SLC22A14: variants seen among roughly 807,000 people sequenced by gnomAD.
SLC22A14 encodes the protein solute carrier family 22 member 14.
In SLC22A14, 50 loss-of-function variants were observed where a neutral mutation model predicts 53.9. The ratio of observed to expected loss-of-function variants is 0.93; its 90% confidence interval spans 0.74 to 1.17. The LOEUF is 1.17. Ranked by LOEUF, SLC22A14 falls within the 50% of genes most tolerant of loss-of-function variation. The probability of loss-of-function intolerance (pLI) is 0.00; values close to 1 mark genes in which losing one functional copy is unlikely to be tolerated. For missense variants in SLC22A14, 671 were observed against 734.7 expected, an observed-to-expected ratio of 0.91 and a Z score of 1.00; for synonymous variants, 312 against 303.0, an observed-to-expected ratio of 1.03 and a Z score of -0.31.
intron 1 of SLC22A14, among the ~76,000 whole-genome samples, chr3:38,304,388 C>T (rs1704245980): frequency 6.6e-6 from 1 of 151,832 alleles, no homozygotes; most frequent in Non-Finnish European, 1.5e-5. Flanking sequence ...TGTTGCTTAA[C>T]TTTCATCTTC....
At chr3:38,316,797 G>T (rs1329849764) in intron 10 of SLC22A14, among the ~76,000 whole-genome samples, 1 of 152,150 alleles carries the variant, frequency 6.6e-6, no homozygotes, top group Non-Finnish European at 1.5e-5. Flanking sequence ...TGTCTGGATG[G>T]GTGCATTGCC....
At chr3:38,305,694 C>A in intron 1 of SLC22A14, 1 of 261,772 alleles carries the variant, frequency 3.8e-6, no homozygotes, top group Non-Finnish European at 7.2e-6. Flanking sequence ...TGCAAGACCA[C>A]TGGTGTCTCA....
At chr3:38,308,594 C>T (rs1330494577) in intron 4 of SLC22A14, among the ~76,000 whole-genome samples, 2 of 152,238 alleles carry the variant, frequency 1.3e-5, no homozygotes, top group Admixed American at 1.3e-4. Context: ...CGAATACACT[C>T]AGAGCAAAAA....
At chr3:38,315,831 A>C (rs1169946444) in intron 9 of SLC22A14, 120 bp downstream of exon 9, 8 of 1,050,852 alleles carry the variant, frequency 7.6e-6, no homozygotes, top group Non-Finnish European at 9.8e-6. Context: ...TAAACAGTTT[A>C]CATAAGTGAT....
chr3:38,307,134 C>A lies in SLC22A14; in HGVS notation c.517-120C>A. ...CAGAGGCAACAGCTGAGGCACGCTG[C>A]ACACTGTTAACTGCCCCTACCCCAG... On this transcript the variant is annotated intron_variant, in intron 2 of 10. Transcript: ENST00000448498. This position sits in a 1 kb window ranked among gnomAD's most constrained non-coding sequence, Gnocchi z 4.4. 1 of 746,888 alleles carries A rather than the reference C, an allele frequency of 1.3e-6. No individual in the cohort carries two copies. Among genetic ancestry groups the A allele is most frequent in the Non-Finnish European group, 2.5e-6 (1 of 405,784 alleles). 46.3% of individuals were successfully genotyped at this position (746,888 alleles called of 1,614,324 possible).
At position 38,318,338 on chromosome 3, in the gene SLC22A14, A is replaced by G. The variant is rs73825529; in HGVS notation, c.*89A>G. ...CAACCCTGCCTTGAAGCAATTCAATAAAGAGGAAGCAAACAGCCAGGCTCC... is the reference window on the plus strand; with the variant it reads ...CAACCCTGCCTTGAAGCAATTCAATGAAGAGGAAGCAAACAGCCAGGCTCC... On this transcript the variant is annotated 3_prime_UTR_variant, in exon 11 of 11. Transcript: ENST00000448498. The G allele has an allele frequency of 2.6e-3, 3,336 of 1,288,328 alleles. 76 individuals are homozygous for G. In the African/African-American group the frequency reaches 0.043, roughly 17 times the overall value. The allele number at this position is 1,288,328 out of a possible 1,614,324, so 79.8% of individuals were successfully genotyped here. A position where few individuals can be genotyped will look rare whatever the true frequency, so the allele number is the denominator to read the frequency against.
rs202093265 is a variant in SLC22A14, at chr3:38,308,119, AG to A, written c.775+400del. ...GAGCCCTTAAGAAAGGCCAGGCAAA[AG>A]AAAAAACAACAAAAAACAGAAGAAG... On this transcript the variant is annotated intron_variant, in intron 4 of 10. Coordinates refer to ENST00000448498, the MANE Select transcript of SLC22A14 (RefSeq NM_001320033.2). 497 of 155,072 alleles carry A rather than the reference AG, an allele frequency of 3.2e-3. 7 individuals carry two copies. The highest frequency in any genetic ancestry group is 4.9e-3 in the Non-Finnish European group (343 of 70,548). 9.6% of individuals were successfully genotyped at this position (155,072 alleles called of 1,614,324 possible).
chr3:38,299,149 C>T (rs2125880213), intron 1 of SLC22A14, among the ~76,000 whole-genome samples: 2 of 152,250 alleles, frequency 1.3e-5, no homozygotes, highest in South Asian at 4.1e-4. Flanking sequence ...GGTTTATTTG[C>T]TGCTGTTTGG....
intron 5 of SLC22A14, 144 bp from the exon 6 acceptor site, chr3:38,312,855 G>A (rs750465078): frequency 2.0e-5 from 21 of 1,054,906 alleles, no homozygotes; most frequent in Non-Finnish European, 2.6e-5. Context: ...AGGGCAGCTC[G>A]AGGTCAGTGG....
intron 1 of SLC22A14, among the ~76,000 whole-genome samples, chr3:38,295,860 G>A (rs1162884719): frequency 7.9e-5 from 12 of 151,370 alleles, no homozygotes; most frequent in Admixed American, 7.9e-4. Flanking sequence ...ACAAACTTGG[G>A]GCCCTGGCAA....
chr3:38,297,514 A>T (rs1276067340), intron 1 of SLC22A14, among the ~76,000 whole-genome samples: 1 of 152,016 alleles, frequency 6.6e-6, no homozygotes, highest in Non-Finnish European at 1.5e-5. Context: ...CAGATTTGTT[A>T]CACAGGTAAA....
Position 38,306,136 on chromosome 3 carries a change from T to C in SLC22A14, c.110T>C (p.Leu37Pro). 1 of 1,614,144 alleles carries C rather than the reference T, an allele frequency of 6.2e-7. No individual in the cohort carries two copies. Among genetic ancestry groups the C allele is most frequent in the African/African-American group, 1.3e-5 (1 of 75,028 alleles). The part of the protein sequence containing the change: ...GHPHSWSLEM[L>P]LRRLRAVHTK... ...CCACATTCCTGGTCTCTGGAGATGCTGTTACGCAGATTGAGGGCTGTCCAC... is the reference window on the plus strand; with the variant it reads ...CCACATTCCTGGTCTCTGGAGATGCCGTTACGCAGATTGAGGGCTGTCCAC... Residue 37 changes from leucine to proline, a missense_variant, in exon 2 of 11, where the codon CTG becomes CCG. Physicochemically the swap from Leu to Pro is moderately conservative, Grantham distance 98. Transcript: ENST00000448498.
chr3:38,303,168 A>T (rs1433878908), intron 1 of SLC22A14, among the ~76,000 whole-genome samples: 1 of 152,092 alleles, frequency 6.6e-6, no homozygotes, highest in African/African-American at 2.4e-5. Context: ...TTATTAATCT[A>T]TTCAAGGAAC....
chr3:38,305,952 G>C, intron 1 of SLC22A14, 75 bp from the exon 2 acceptor site: 1 of 1,457,934 alleles, frequency 6.9e-7, no homozygotes. Flanking sequence ...TTCCTAGTCG[G>C]TGGCTCCCAT....
rs1389861555 is a variant in SLC22A14, at chr3:38,294,174, TG to T, written c.-1+11838del. On this transcript the variant is annotated intron_variant, in intron 1 of 10. Coordinates refer to ENST00000448498, the MANE Select transcript of SLC22A14 (RefSeq NM_001320033.2). ...TTTGTTTATCTCCTTTTGGACCGTTTGGGTTGAAGGGGGGTTCTTATTAGTT... is the reference window on the plus strand; with the variant it reads ...TTTGTTTATCTCCTTTTGGACCGTTTGGTTGAAGGGGGGTTCTTATTAGTT... 5.6e-5 allele frequency among the ~76,000 whole-genome samples: 8 copies of T among 143,638 alleles called. No homozygotes were observed. In the East Asian group the frequency reaches 1.7e-3, roughly 30 times the overall value. 94.2% of individuals were successfully genotyped at this position (143,638 alleles called of 152,430 possible).
intron 1 of SLC22A14, among the ~76,000 whole-genome samples, chr3:38,304,664 C>T (rs1007675500): frequency 6.6e-6 from 1 of 152,198 alleles, no homozygotes; most frequent in African/African-American, 2.4e-5. Context: ...TAACAGGAGA[C>T]TGCTGAGGCT....
At chr3:38,279,311 G>A (rs1703621725), upstream of SLC22A14, among the ~76,000 whole-genome samples, 1 of 152,148 alleles carries the variant, frequency 6.6e-6, no homozygotes. Context: ...CAAGGGGTGC[G>A]GAAAACCAGA....
intron 1 of SLC22A14, among the ~76,000 whole-genome samples, chr3:38,283,336 C>T (rs961479927): frequency 1.2e-4 from 19 of 152,100 alleles, no homozygotes; most frequent in Admixed American, 7.9e-4. Flanking sequence ...TAGATCTCTC[C>T]GGGGGGCGCT....
chr3:38,296,608 G>A (rs1704043453), intron 1 of SLC22A14, among the ~76,000 whole-genome samples: 1 of 152,178 alleles, frequency 6.6e-6, no homozygotes, highest in Admixed American at 6.5e-5. Context: ...CAAGATGGTG[G>A]CGGGCTGCTT....
Sources: gnomAD v4.1 joint callset for allele counts (sites outside exome capture counted in the v4.1 genomes callset) on GRCh38, gnomAD v4.1.1 for gene constraint, Gnocchi (gnomAD v3.1) non-coding constraint, MANE v1.5 for transcripts, NCBI Gene and HGNC (gene_info 2026-07-23, HGNC 2026-07-21) for gene names.